The following SQSTM1 variants were observed in gnomAD, a reference collection of about 807,000 sequenced individuals.
SQSTM1 encodes sequestosome-1.
A neutral mutation model predicts 45.1 loss-of-function variants in SQSTM1; 36 were observed. The ratio of observed to expected loss-of-function variants is 0.80; its 90% CI spans 0.61 to 1.05. The LOEUF (loss-of-function observed/expected upper bound fraction) is 1.05. Among genes scored for constraint, SQSTM1 ranks in the 50% least tolerant of loss-of-function variants. The pLI is 0.00. For missense variants in SQSTM1, 617 were observed against 607.1 expected, an observed-to-expected ratio of 1.02 and a Z score of -0.17; for synonymous variants, 290 against 244.3, an observed-to-expected ratio of 1.19 and a Z score of -1.74.
At position 179,829,631 on chromosome 5, in the gene SQSTM1, C is replaced by T. The variant is rs528231974; in HGVS notation, c.755-3401C>T. Among the ~76,000 whole-genome samples the T allele has an allele frequency of 7.2e-5, 11 of 151,960 alleles. No homozygotes were observed. The South Asian group carries it at 1.0e-3, about 14-fold the overall frequency. ...ATAGAAAAAAAACTTCAAAAGAAGG[C>T]TTAGATTCTACTATTGTCTCAAGGA... On this transcript the variant is annotated intron_variant, in intron 5 of 7. Coordinates refer to ENST00000389805, the MANE Select transcript of SQSTM1 (RefSeq NM_003900.5).
At position 179,806,569 on chromosome 5, in the gene SQSTM1, A is replaced by C; in HGVS notation, c.-179A>C. ...AGAGCAGCAGCGTCAGGAAGGTGCC[A>C]TTGCGGAGCCTCATCTCCTCGGGTG... On this transcript the variant is annotated 5_prime_UTR_variant, in exon 1 of 6. Transcript: ENST00000514093. This position sits in a 1 kb window ranked among gnomAD's most constrained non-coding sequence, Gnocchi z 4.6. 7.7e-7 allele frequency: 1 copy of C among 1,294,700 alleles called. No individual in the cohort carries two copies. The highest frequency in any genetic ancestry group is 1.0e-6 in the Non-Finnish European group (1 of 993,708). 80.2% of individuals were successfully genotyped at this position (1,294,700 alleles called of 1,614,324 possible). A position where few individuals can be genotyped will look rare whatever the true frequency, so the allele number is the denominator to read the frequency against.
In SQSTM1 at chr5:179,837,368, A is replaced by G. The variant is rs748885911; in HGVS notation, c.*775A>G. ...TGTCCCTCCTAACAAGTGTATCTCGATTAATAACCTGCCAGTCCCAGATCA... is the reference window on the plus strand; with the variant it reads ...TGTCCCTCCTAACAAGTGTATCTCGGTTAATAACCTGCCAGTCCCAGATCA... On this transcript the variant is annotated 3_prime_UTR_variant, in exon 8 of 8. Transcript: ENST00000389805. 7 of 1,581,482 alleles carry G rather than the reference A, an allele frequency of 4.4e-6. No homozygotes were observed. The highest frequency in any genetic ancestry group is 6.0e-6 in the Non-Finnish European group (7 of 1,162,806).
chr5:179,826,598 G>GTTTTTTTTTTTTTTTTTTTTTTTTTTTTT (rs549477595), intron 5 of SQSTM1, among the ~76,000 whole-genome samples: 1 of 142,252 alleles, frequency 7.0e-6, no homozygotes, highest in Non-Finnish European at 1.5e-5. Context: ...TCGCTAGTCT[G>GTTTTTTTTTTTTTTTTTTTTTTTTTTTTT]TTTTTTTTTT....
upstream of SQSTM1, among the ~76,000 whole-genome samples, chr5:179,815,884 G>A (rs1459705292): frequency 2.6e-5 from 4 of 152,004 alleles, no homozygotes; most frequent in East Asian, 3.9e-4. Context: ...ACACTCCCAC[G>A]CAACATCCAC....
chr5:179,827,484 C>T (rs1478933625), intron 5 of SQSTM1, among the ~76,000 whole-genome samples: 1 of 152,106 alleles, frequency 6.6e-6, no homozygotes, highest in Non-Finnish European at 1.5e-5. Flanking sequence ...CGGGGTTTCA[C>T]CTTGTTGGCC....
chr5:179,823,101 C>T (rs1401468225), intron 2 of SQSTM1, 48 bp downstream of exon 2: 1 of 1,540,722 alleles, frequency 6.5e-7, no homozygotes, highest in Non-Finnish European at 9.0e-7. Context: ...AGCTTGTACT[C>T]AGTTCCCTGC....
At chr5:179,827,828 TC>T (rs1758057906) in intron 5 of SQSTM1, among the ~76,000 whole-genome samples, 1 of 152,214 alleles carries the variant, frequency 6.6e-6, no homozygotes, top group Non-Finnish European at 1.5e-5. Flanking sequence ...AAGGGACTGT[TC>T]CCAGAGCAGG....
At chr5:179,824,645 C>G (rs1301024760) in intron 4 of SQSTM1, among the ~76,000 whole-genome samples, 1 of 152,146 alleles carries the variant, frequency 6.6e-6, no homozygotes, top group Non-Finnish European at 1.5e-5. Flanking sequence ...GCACTTTGTT[C>G]TCTTTTGTGA....
At chr5:179,823,231 C>G (rs576089439) in intron 2 of SQSTM1, among the ~76,000 whole-genome samples, 178 bp downstream of exon 2, 1 of 151,896 alleles carries the variant, frequency 6.6e-6, no homozygotes, top group Non-Finnish European at 1.5e-5. Flanking sequence ...TTTGGGAGGC[C>G]GAGGCGGGCA....
intron 1 of SQSTM1, chr5:179,822,491 G>A: frequency 3.9e-6 from 1 of 257,996 alleles, no homozygotes. Context: ...CTTTGTTAGG[G>A]AAGGAAGCAG....
chr5:179,808,435 C>T (rs1247882598), intron 1 of SQSTM1: 1 of 152,210 alleles, frequency 6.6e-6, no homozygotes, highest in African/African-American at 2.4e-5. Flanking sequence ...CAGGTGTCTT[C>T]TATTTGTGGC....
At position 179,825,152 on chromosome 5, in the gene SQSTM1, G is replaced by A. The variant is rs1942260932; in HGVS notation, c.680G>A (p.Gly227Asp). The change falls in exon 5 of 8, where the codon GGT (glycine) becomes GAT (aspartate). Residue 227 changes from glycine (G) to aspartate (D), a missense_variant. Gly to Asp is a moderately conservative substitution (Grantham distance 94). Transcript: ENST00000389805. ...ATCTTTGTAAAAATCAAAGCTTCTGGTCCATCGGAGGATCCGAGTGTGAAT... is the reference window on the plus strand; with the variant it reads ...ATCTTTGTAAAAATCAAAGCTTCTGATCCATCGGAGGATCCGAGTGTGAAT... The part of the protein sequence containing the change: ...RPGPTAESAS[G>D]PSEDPSVNFL... The A allele has an allele frequency of 6.2e-7, 1 of 1,614,044 alleles. No individual in the cohort carries two copies. Among genetic ancestry groups the A allele is most frequent in the African/African-American group, 1.3e-5 (1 of 75,038 alleles).
At chr5:179,830,632 C>T (rs575468438) in intron 5 of SQSTM1, among the ~76,000 whole-genome samples, 92 of 151,990 alleles carry the variant, frequency 6.1e-4, no homozygotes, top group Non-Finnish European at 1.1e-3. Context: ...GATCTCAGCT[C>T]ACTGCAGTTT....
At position 179,837,289 on chromosome 5, in the gene SQSTM1, G is replaced by A; in HGVS notation, c.*696G>A. 1 of 1,607,428 alleles carries A rather than the reference G, an allele frequency of 6.2e-7. No homozygotes were observed. The highest frequency in any genetic ancestry group is 1.7e-4 in the Middle Eastern group (1 of 6,042). On this transcript the variant is annotated 3_prime_UTR_variant, in exon 8 of 8. Coordinates refer to ENST00000389805, the MANE Select transcript of SQSTM1 (RefSeq NM_003900.5). The stretch of plus-strand genomic sequence containing the variant: ...CATAGAGAGAAATGATTGACAGTAA[G>A]TTTATTGTTAATGGTTCTTACAGAG...
In SQSTM1 at chr5:179,825,180, C is replaced by A. The variant is rs1201000460; in HGVS notation, c.708C>A (p.Phe236Leu). ...CATCGGAGGATCCGAGTGTGAATTT[C>A]CTGAAGAACGTTGGGGAGAGTGTGG... ...SGPSEDPSVN[F>L]LKNVGESVAA... Residue 236 changes from phenylalanine to leucine, a missense_variant, in exon 5 of 8, where the codon TTC becomes TTA. Phe to Leu is a conservative substitution (Grantham distance 22, BLOSUM62 0). Coordinates refer to ENST00000389805, the MANE Select transcript of SQSTM1 (RefSeq NM_003900.5). 1 of 1,613,978 alleles carries A rather than the reference C, an allele frequency of 6.2e-7. No homozygotes were observed. The highest frequency in any genetic ancestry group is 1.3e-5 in the African/African-American group (1 of 74,912).
rs758377403 is a variant in SQSTM1, at chr5:179,833,585, AG to A, written c.970del. On this transcript the variant is annotated splice_acceptor_variant, in intron 6 of 7. Transcript: ENST00000389805. LOFTEE classifies it high-confidence loss of function. ...GTGTGCTCATGGTGAGTTTTGTTCCAGGAACAGATGGAGTCGGATAACTGTT... is the reference window on the plus strand; with the variant it reads ...GTGTGCTCATGGTGAGTTTTGTTCCAGAACAGATGGAGTCGGATAACTGTT... The A allele has an allele frequency of 6.2e-6, 10 of 1,614,148 alleles. No individual in the cohort carries two copies. In the South Asian group the frequency reaches 6.6e-5, roughly 11 times the overall value.
upstream of SQSTM1, among the ~76,000 whole-genome samples, chr5:179,816,552 G>C (rs1180649059): frequency 6.6e-6 from 1 of 152,230 alleles, no homozygotes; most frequent in South Asian, 2.1e-4. Context: ...GACCCGTTCA[G>C]TATAGACGGG....
Position 179,836,577 on chromosome 5 carries a change from AT to A in SQSTM1, c.1308del (p.Pro438ArgfsTer25). On this transcript the variant is annotated frameshift_variant, in exon 8 of 8. Coordinates refer to ENST00000389805, the MANE Select transcript of SQSTM1 (RefSeq NM_003900.5). LOFTEE classifies it high-confidence loss of function. The part of the protein sequence containing the change: ...AALDTIQYSK[H>X]PPPL ...CTGGACACCATCCAGTATTCAAAGC[AT>A]CCCCCGCCGTTGTGACCACTTTTGC... The A allele has an allele frequency of 6.2e-7, 1 of 1,614,144 alleles. No individual in the cohort carries two copies. Among genetic ancestry groups the A allele is most frequent in the African/African-American group, 1.3e-5 (1 of 75,022 alleles).
intron 5 of SQSTM1, among the ~76,000 whole-genome samples, chr5:179,829,500 T>C (rs1758126521): frequency 6.6e-6 from 1 of 152,142 alleles, no homozygotes. Context: ...AGAATGTTAA[T>C]GTCCTCAGTG....
Sources: gnomAD v4.1 joint callset for allele counts (sites outside exome capture counted in the v4.1 genomes callset) on GRCh38, gnomAD v4.1.1 for gene constraint, Gnocchi (gnomAD v3.1) non-coding constraint, MANE v1.5 for transcripts, NCBI Gene and HGNC (gene_info 2026-07-23, HGNC 2026-07-21) for gene names.